The following LMLN variants were observed in gnomAD, a reference collection of about 807,000 sequenced individuals.
LMLN encodes leishmanolysin-like peptidase.
In LMLN, 70 loss-of-function variants were observed where a neutral mutation model predicts 92.3. The ratio of observed to expected loss-of-function variants is 0.76; its 90% CI spans 0.63 to 0.92. The LOEUF is 0.92. Among genes scored for constraint, LMLN ranks in the 40% least tolerant of loss-of-function variants. LMLN has a pLI of 0.00. For missense variants in LMLN, 691 were observed against 814.6 expected (o/e 0.85, Z 1.85); for synonymous variants, 308 against 296.2 (o/e 1.04, Z -0.41).
rs745538309 is a variant in LMLN, at chr3:197,988,750, C to T, written c.930-1809C>T. Among the ~76,000 whole-genome samples the T allele has an allele frequency of 3.3e-5, 5 of 152,080 alleles. No individual in the cohort carries two copies. The East Asian group carries it at 5.8e-4, about 18-fold the overall frequency. On this transcript the variant is annotated intron_variant, in intron 8 of 15. Transcript: ENST00000330198. The stretch of plus-strand genomic sequence containing the variant: ...AGGCTGGAGTGCTGTGGCGCGATCT[C>T]GGCTCACTGCAACCTCCATTTCCCA...
exon 16 of LMLN, chr3:198,043,177 C>T (rs1005744067): frequency 4.6e-5 from 7 of 152,212 alleles, no homozygotes; most frequent in Admixed American, 1.3e-4. Context: ...CATCTGTGAA[C>T]GACTAGGTGA....
chr3:197,974,350 A>T (rs2109854949), intron 1 of LMLN, 27 bp from the exon 2 acceptor site: 1 of 1,215,274 alleles, frequency 8.2e-7, no homozygotes, highest in South Asian at 1.3e-5. Context: ...TGTCTTAAAC[A>T]GTTTTCAAAT....
At chr3:197,965,891 A>G (rs1382082141) in intron 1 of LMLN, among the ~76,000 whole-genome samples, 1 of 152,182 alleles carries the variant, frequency 6.6e-6, no homozygotes, top group African/African-American at 2.4e-5. Flanking sequence ...TTCTAGCCTA[A>G]TAAAGACTGT....
chr3:198,031,568 G>GA lies in LMLN; in HGVS notation c.1657-4258dup, dbSNP rs1469563649. 2.0e-5 allele frequency among the ~76,000 whole-genome samples: 3 copies of GA among 151,918 alleles called. No individual in the cohort carries two copies. The highest frequency in any genetic ancestry group is 7.3e-5 in the African/African-American group (3 of 41,358). On this transcript the variant is annotated intron_variant, in intron 14 of 15. Coordinates refer to ENST00000330198, the Ensembl canonical transcript of LMLN. This position sits in a 1 kb window ranked among gnomAD's most constrained non-coding sequence, Gnocchi z 4.8. ...TTTCCTAATGGATGATTGGGTGCAG[G>GA]AAAAAAAGAAAGAAAATTATTTTCC...
chr3:198,020,782 T>G (rs1467393032), intron 12 of LMLN, among the ~76,000 whole-genome samples: 3 of 135,474 alleles, frequency 2.2e-5, no homozygotes, highest in African/African-American at 5.6e-5. Flanking sequence ...TTTTTTTTTT[T>G]TTTTTTTTTT....
At chr3:197,990,769 ATAAT>A (rs1398262489) in intron 9 of LMLN, 93 bp downstream of exon 9, 3 of 565,666 alleles carry the variant, frequency 5.3e-6, no homozygotes, top group Non-Finnish European at 9.0e-6. Context: ...TTAAGAACTT[ATAAT>A]TAGAGCCTAT....
At chr3:198,024,359 G>C (rs1167855349) in intron 13 of LMLN, among the ~76,000 whole-genome samples, 1 of 151,872 alleles carries the variant, frequency 6.6e-6, no homozygotes, top group East Asian at 1.9e-4. Flanking sequence ...GGGACTACAG[G>C]CGCCCGCCAC....
intron 9 of LMLN, among the ~76,000 whole-genome samples, chr3:197,992,449 G>A (rs1462898055): frequency 6.6e-6 from 1 of 152,110 alleles, no homozygotes; most frequent in Non-Finnish European, 1.5e-5. Flanking sequence ...AAATGAAAGA[G>A]GAGACATTAC....
At chr3:197,990,523 T>C (rs759286428) in intron 8 of LMLN, 36 bp from the exon 9 acceptor site, 1 of 882,110 alleles carries the variant, frequency 1.1e-6, no homozygotes, top group Non-Finnish European at 1.9e-6. Flanking sequence ...ATGGTGAATT[T>C]TCAGTAATAA....
intron 8 of LMLN, among the ~76,000 whole-genome samples, chr3:197,987,304 C>T (rs1313147627): frequency 2.6e-5 from 4 of 151,890 alleles, no homozygotes; most frequent in South Asian, 2.1e-4. Context: ...GGACTACAGG[C>T]GCCTGCCAAC....
intron 11 of LMLN, among the ~76,000 whole-genome samples, chr3:198,007,537 T>A (rs1722327923): frequency 1.3e-5 from 2 of 152,236 alleles, no homozygotes; most frequent in South Asian, 4.1e-4. Flanking sequence ...TCCGTTCTGT[T>A]CTAGTGATCC....
chr3:198,023,729 G>A (rs1722843512), intron 13 of LMLN, among the ~76,000 whole-genome samples: 1 of 152,200 alleles, frequency 6.6e-6, no homozygotes. Context: ...TCGGGTTTAA[G>A]AGCTTTGTCC....
chr3:197,976,093 GCACTA>G lies in LMLN; in HGVS notation c.414_418del (p.Thr139LeufsTer3), dbSNP rs1363149063. The G allele has an allele frequency of 6.2e-7, 1 of 1,603,828 alleles. No individual in the cohort carries two copies. Among genetic ancestry groups the G allele is most frequent in the Admixed American group, 1.7e-5 (1 of 59,466 alleles). On this transcript the variant is annotated frameshift_variant, in exon 4 of 16. Transcript: ENST00000330198. LOFTEE classifies it high-confidence loss of function. ...ACTTTTCAGGTCCGTCGACCTGCGG[GCACTA>G]TCTTACTTAGCAGGTATGTCACATG...
At chr3:197,972,636 T>A (rs969154384) in intron 1 of LMLN, among the ~76,000 whole-genome samples, 1 of 152,216 alleles carries the variant, frequency 6.6e-6, no homozygotes, top group African/African-American at 2.4e-5. Context: ...GCTGATTTTT[T>A]ATTAAATAAT....
At chr3:198,036,120 C>T in intron 15 of LMLN, 77 bp downstream of exon 16, 7 of 1,310,234 alleles carry the variant, frequency 5.3e-6, no homozygotes, top group Non-Finnish European at 2.2e-6. Context: ...TTGGCATTTC[C>T]CTTCAAGGAA....
chr3:198,038,923 C>T (rs1042346039), exon 16 of LMLN: 10 of 321,994 alleles, frequency 3.1e-5, no homozygotes. Flanking sequence ...CCAACCACCT[C>T]GTCAGCAACC....
chr3:198,039,588 G>C (rs900959347), exon 16 of LMLN: 1 of 151,060 alleles, frequency 6.6e-6, no homozygotes, highest in Non-Finnish European at 1.5e-5. Context: ...GATAGAGTTA[G>C]ACCCTGTATC....
intron 3 of LMLN, among the ~76,000 whole-genome samples, 188 bp downstream of exon 3, chr3:197,975,260 C>A (rs1481628053): frequency 6.6e-6 from 1 of 152,170 alleles, no homozygotes; most frequent in African/African-American, 2.4e-5. Context: ...TGGTATTGGG[C>A]ATTAAATTAG....
At chr3:197,974,135 G>C (rs1721303349) in intron 1 of LMLN, among the ~76,000 whole-genome samples, 1 of 152,170 alleles carries the variant, frequency 6.6e-6, no homozygotes, top group Non-Finnish European at 1.5e-5. Flanking sequence ...AAAGCTTTTT[G>C]GCAGCTACTG....
Sources: allele counts gnomAD v4.1 joint callset (sites outside exome capture counted in the v4.1 genomes callset), GRCh38; gene constraint gnomAD v4.1.1; non-coding constraint Gnocchi (gnomAD v3.1); transcripts MANE v1.5; gene names NCBI Gene and HGNC (gene_info 2026-07-23, HGNC 2026-07-21).